ANO10: variants seen among roughly 807,000 people sequenced by gnomAD.
ANO10 encodes the protein anoctamin 10, also known as anoctamin-10.
In ANO10, 77 loss-of-function variants were observed where a neutral mutation model predicts 74.7. The ratio of observed to expected loss-of-function variants is 1.03; its 90% CI spans 0.86 to 1.25. The LOEUF is 1.25. Ranked by LOEUF, ANO10 falls within the 50% of genes most tolerant of loss-of-function variation. The pLI is 0.00. For synonymous variants in ANO10, 279 were observed against 284.9 expected (o/e 0.98, Z 0.21); for missense variants, 721 against 778.1 (o/e 0.93, Z 0.87).
intron 12 of ANO10, among the ~76,000 whole-genome samples, chr3:43,417,142 C>G (rs994640561): frequency 6.6e-6 from 1 of 152,164 alleles, no homozygotes; most frequent in Non-Finnish European, 1.5e-5. Context: ...AAATCATTTT[C>G]TAACAAAGAG....
At chr3:43,561,024 T>C (rs1257465477) in intron 9 of ANO10, among the ~76,000 whole-genome samples, 196 bp downstream of exon 9, 1 of 152,236 alleles carries the variant, frequency 6.6e-6, no homozygotes, top group Non-Finnish European at 1.5e-5. Context: ...TGCGTAACTT[T>C]AGATTTCAGA....
chr3:43,461,081 GAACA>G lies in ANO10; in HGVS notation c.1798-28358_1798-28355del, dbSNP rs147605947. Among the ~76,000 whole-genome samples the G allele has an allele frequency of 9.1e-3, 1,371 of 150,896 alleles. 22 individuals are homozygous for G. Among genetic ancestry groups the G allele is most frequent in the African/African-American group, 0.031 (1,273 of 41,266 alleles). On this transcript the variant is annotated intron_variant, in intron 11 of 12. Transcript: ENST00000292246. ...TCAATCGATAGAAGAAAATCAATAA[GAACA>G]AACGTTTTTTAAAAAGATCAGTAAA...
intron 11 of ANO10, among the ~76,000 whole-genome samples, chr3:43,502,628 A>ATT (rs139099655): frequency 0.051 from 7,700 of 152,340 alleles, 217 homozygotes; most frequent in Non-Finnish European, 0.059. Flanking sequence ...AGCCTCAGGT[A>ATT]TTCCTTTTAT....
upstream of ANO10, among the ~76,000 whole-genome samples, chr3:43,622,750 CT>C (rs1463474262): frequency 6.6e-6 from 1 of 152,142 alleles, no homozygotes; most frequent in Non-Finnish European, 1.5e-5. Flanking sequence ...TGGGCTCTCA[CT>C]TTCTCCCTGA....
In ANO10 at chr3:43,652,112, CCG is replaced by C. The variant is rs776809380; in HGVS notation, c.-12+39403_-12+39404del. Among the ~76,000 whole-genome samples, 1,267 of 143,960 alleles carry C rather than the reference CCG, an allele frequency of 8.8e-3. 63 individuals are homozygous for C. The highest frequency in any genetic ancestry group is 0.077 in the Admixed American group (1,114 of 14,426). The allele number at this position is 143,960 out of a possible 152,430, so 94.4% of individuals were successfully genotyped here. On this transcript the variant is annotated intron_variant, in intron 1 of 3. Coordinates refer to the ANO10 transcript ENST00000413397. ...TCAATGCAATCTATCAGAATCTTGGCCGCCTTTTTTTTTTTTCAGAAATTGAT... is the reference window on the plus strand; with the variant it reads ...TCAATGCAATCTATCAGAATCTTGGCCCTTTTTTTTTTTTCAGAAATTGAT...
intron 1 of ANO10, among the ~76,000 whole-genome samples, chr3:43,615,497 T>G (rs1284250730): frequency 6.6e-6 from 1 of 152,192 alleles, no homozygotes; most frequent in Non-Finnish European, 1.5e-5. Context: ...CTTTTTTTAA[T>G]TTGATTTTTA....
At chr3:43,674,423 T>C (rs2084097069) in intron 1 of ANO10, among the ~76,000 whole-genome samples, 1 of 152,168 alleles carries the variant, frequency 6.6e-6, no homozygotes, top group Admixed American at 6.5e-5. Context: ...TAGCTGAGAT[T>C]ACAGGCACCC....
chr3:43,562,881 A>G (rs1373000122), intron 8 of ANO10, among the ~76,000 whole-genome samples: 1 of 152,186 alleles, frequency 6.6e-6, no homozygotes, highest in African/African-American at 2.4e-5. Flanking sequence ...TAGGGGAAAT[A>G]CTACAGGACA....
chr3:43,512,285 G>A (rs1351848602), intron 11 of ANO10, among the ~76,000 whole-genome samples: 1 of 152,202 alleles, frequency 6.6e-6, no homozygotes, highest in African/African-American at 2.4e-5. Flanking sequence ...ACATGAGAGA[G>A]CAATATCTCA....
chr3:43,472,414 C>G (rs2075895879), intron 11 of ANO10: 1 of 81,694 alleles, frequency 1.2e-5, no homozygotes, highest in African/African-American at 4.5e-5. Context: ...GAAAAAAAGT[C>G]ACTGATATGG....
chr3:43,490,163 C>T (rs1351223139), intron 11 of ANO10, among the ~76,000 whole-genome samples: 1 of 152,174 alleles, frequency 6.6e-6, no homozygotes, highest in Non-Finnish European at 1.5e-5. Flanking sequence ...GGAGACAGGG[C>T]TACAGCCAGG....
At chr3:43,397,600 T>C (rs1016343284) in intron 12 of ANO10, among the ~76,000 whole-genome samples, 11 of 152,220 alleles carry the variant, frequency 7.2e-5, no homozygotes, top group African/African-American at 2.7e-4. Context: ...CCTCGTGTAT[T>C]CCGATTTTCC....
At chr3:43,401,408 G>A (rs988644062) in intron 12 of ANO10, among the ~76,000 whole-genome samples, 1 of 124,738 alleles carries the variant, frequency 8.0e-6, no homozygotes, top group Admixed American at 7.8e-5. Flanking sequence ...TTTAAAAGGC[G>A]GGGGGGAAAC....
chr3:43,468,416 CAA>C (rs1376285108), intron 11 of ANO10, among the ~76,000 whole-genome samples: 3 of 152,302 alleles, frequency 2.0e-5, no homozygotes, highest in East Asian at 3.9e-4. Context: ...GTGAAGGAGT[CAA>C]AGAGTGACAG....
intron 11 of ANO10, among the ~76,000 whole-genome samples, chr3:43,537,367 C>G (rs2078758356): frequency 6.6e-6 from 1 of 152,138 alleles, no homozygotes; most frequent in Non-Finnish European, 1.5e-5. Context: ...TCCTTGTGCA[C>G]CAGTGACCAC....
intron 10 of ANO10, among the ~76,000 whole-genome samples, chr3:43,551,814 C>T (rs1237448876): frequency 2.6e-5 from 4 of 152,026 alleles, no homozygotes; most frequent in Admixed American, 6.6e-5. Context: ...TTAAACCTAC[C>T]TAAATCATAT....
chr3:43,394,689 A>G (rs1439665051), intron 12 of ANO10, among the ~76,000 whole-genome samples: 2 of 152,208 alleles, frequency 1.3e-5, no homozygotes, highest in Non-Finnish European at 1.5e-5. Flanking sequence ...CACAACTGAA[A>G]AACGCAACAG....
intron 11 of ANO10, among the ~76,000 whole-genome samples, chr3:43,490,574 G>A (rs1286470202): frequency 6.6e-6 from 1 of 152,074 alleles, no homozygotes; most frequent in African/African-American, 2.4e-5. Context: ...TACTCAAACT[G>A]GTCTAGACCA....
At chr3:43,526,133 C>T (rs2078186312) in intron 11 of ANO10, among the ~76,000 whole-genome samples, 1 of 152,102 alleles carries the variant, frequency 6.6e-6, no homozygotes, top group African/African-American at 2.4e-5. Flanking sequence ...AAAAAGGCTG[C>T]CAACTTACTT....
Sources: allele counts gnomAD v4.1 joint callset (sites outside exome capture counted in the v4.1 genomes callset), GRCh38; gene constraint gnomAD v4.1.1; transcripts MANE v1.5; gene names NCBI Gene and HGNC (gene_info 2026-07-23, HGNC 2026-07-21).